CAPN9: variants seen among roughly 807,000 people sequenced by gnomAD.
CAPN9 encodes calpain 9.
In CAPN9, 81 loss-of-function variants were observed where a neutral mutation model predicts 92.8. The observed-to-expected ratio is 0.87, with a 90% CI of 0.73 to 1.05. The LOEUF is 1.05. Among genes scored for constraint, CAPN9 ranks in the 50% least tolerant of loss-of-function variants. The pLI, the probability that CAPN9 is intolerant of heterozygous loss-of-function variation, is 0.00. For missense variants in CAPN9, 848 were observed against 866.2 expected (o/e 0.98, Z 0.26); for synonymous variants, 304 against 328.0 (o/e 0.93, Z 0.79).
intron 1 of CAPN9, among the ~76,000 whole-genome samples, chr1:230,751,284 C>T (rs1229484535): frequency 6.6e-6 from 1 of 152,166 alleles, no homozygotes; most frequent in Non-Finnish European, 1.5e-5. Flanking sequence ...CCCATGGCCT[C>T]CACAGTGCTG....
chr1:230,762,904 C>G, intron 4 of CAPN9, 118 bp downstream of exon 4: 1 of 1,083,638 alleles, frequency 9.2e-7, no homozygotes, highest in South Asian at 1.7e-5. Flanking sequence ...AGGTGAGGCT[C>G]GGCAGGACCC....
chr1:230,763,849 A>G (rs1665795946), intron 4 of CAPN9, among the ~76,000 whole-genome samples: 1 of 152,234 alleles, frequency 6.6e-6, no homozygotes. Context: ...AGGTCTGTGC[A>G]AACACCATCA....
At chr1:230,782,365 G>C (rs1667281000) in intron 11 of CAPN9, among the ~76,000 whole-genome samples, 1 of 152,162 alleles carries the variant, frequency 6.6e-6, no homozygotes, top group African/African-American at 2.4e-5. Flanking sequence ...TGGATGCCCA[G>C]GGGATGAGGA....
intron 4 of CAPN9, among the ~76,000 whole-genome samples, chr1:230,765,464 G>A (rs1033262884): frequency 1.3e-5 from 2 of 152,112 alleles, no homozygotes; most frequent in African/African-American, 4.8e-5. Flanking sequence ...TTCGAGACCA[G>A]CCTGGCCAAC....
chr1:230,799,290 G>A (rs368828072), intron 19 of CAPN9, among the ~76,000 whole-genome samples: 7 of 152,140 alleles, frequency 4.6e-5, no homozygotes, highest in African/African-American at 1.7e-4. Context: ...CTCTGATTTC[G>A]ATTAAGCAGG....
At chr1:230,751,435 A>G (rs1449724988) in intron 1 of CAPN9, among the ~76,000 whole-genome samples, 1 of 151,686 alleles carries the variant, frequency 6.6e-6, no homozygotes, top group Non-Finnish European at 1.5e-5. Context: ...AGAAAGAGAA[A>G]AAGAGAGAAG....
chr1:230,767,757 T>C (rs776322706), intron 5 of CAPN9, 48 bp downstream of exon 5: 1 of 1,558,802 alleles, frequency 6.4e-7, no homozygotes, highest in Non-Finnish European at 8.8e-7. Context: ...TGGGGCTGCA[T>C]AGTGCATTCC....
rs548041370 is a variant in CAPN9 at position 230,789,299 on chromosome 1, G to A, written c.1600-833G>A. Among the ~76,000 whole-genome samples, 4 of 152,050 alleles carry A rather than the reference G, an allele frequency of 2.6e-5. No individual in the cohort carries two copies. The South Asian group carries it at 8.3e-4, about 32-fold the overall frequency. On this transcript the variant is annotated intron_variant, in intron 13 of 19. Transcript: ENST00000271971. ...GTCAAGAGCATCCTGGGCAACATAG[G>A]GAGAGCCCATCTCTGCAAAAATAAT...
At chr1:230,764,240 A>G (rs1665824319) in intron 4 of CAPN9, among the ~76,000 whole-genome samples, 1 of 152,224 alleles carries the variant, frequency 6.6e-6, no homozygotes, top group African/African-American at 2.4e-5. Flanking sequence ...GCTGCCACCA[A>G]TGTGGACGAG....
intron 10 of CAPN9, 55 bp from the exon 11 acceptor site, chr1:230,780,445 C>T (rs552362626): frequency 1.6e-5 from 25 of 1,604,786 alleles, no homozygotes; most frequent in South Asian, 6.6e-5. Context: ...GAATTGTGTC[C>T]GAAAAGCCAA....
intron 19 of CAPN9, among the ~76,000 whole-genome samples, chr1:230,799,652 CA>C (rs1668558035): frequency 6.6e-6 from 1 of 152,170 alleles, no homozygotes; most frequent in Non-Finnish European, 1.5e-5. Context: ...TCAACTTCAG[CA>C]TGTAGGACAC....
intron 13 of CAPN9, among the ~76,000 whole-genome samples, chr1:230,789,651 G>A (rs1372273157): frequency 6.6e-6 from 1 of 152,026 alleles, no homozygotes; most frequent in Non-Finnish European, 1.5e-5. Flanking sequence ...CTTAAAAATA[G>A]GACCATATTC....
At chr1:230,768,905 CA>C (rs975226368) in intron 5 of CAPN9, among the ~76,000 whole-genome samples, 3 of 152,172 alleles carry the variant, frequency 2.0e-5, no homozygotes, top group African/African-American at 7.2e-5. Context: ...ATGAAGGTGA[CA>C]AGTTGTTCTG....
intron 1 of CAPN9, among the ~76,000 whole-genome samples, chr1:230,750,675 G>A (rs1664707296): frequency 6.6e-6 from 1 of 152,194 alleles, no homozygotes; most frequent in African/African-American, 2.4e-5. Context: ...GGACCGTGGG[G>A]CTGGACGGCC....
intron 2 of CAPN9, among the ~76,000 whole-genome samples, 184 bp from the exon 3 acceptor site, chr1:230,759,328 A>G (rs183756232): frequency 6.6e-6 from 1 of 152,356 alleles, no homozygotes; most frequent in African/African-American, 2.4e-5. Flanking sequence ...AGACGGGCAG[A>G]GAAGAGCAGG....
chr1:230,780,226 G>A lies in CAPN9; in HGVS notation c.1162G>A (p.Asp388Asn), dbSNP rs1667117040. 1 of 1,614,014 alleles carries A rather than the reference G, an allele frequency of 6.2e-7. No homozygotes were observed. The highest frequency in any genetic ancestry group is 8.5e-7 in the Non-Finnish European group (1 of 1,179,944). Residue 388 changes from aspartate (D) to asparagine (N), a missense_variant, in exon 10 of 20, where the codon GAT (aspartate) becomes AAT (asparagine). Transcript: ENST00000271971. ...AATAAAATTGTCTCTGACTGAGAAA[G>A]ATGAGGGGCAGGAGGAGTGTAGTTT... Reference protein sequence around the residue: ...PQIKLSLTEKDEGQEECSFLV... With the variant: ...PQIKLSLTEKNEGQEECSFLV...
At chr1:230,761,555 A>AACACACACACACACACAC (rs147168033) in intron 3 of CAPN9, among the ~76,000 whole-genome samples, 3,179 of 150,564 alleles carry the variant, frequency 0.021, 126 homozygotes, top group African/African-American at 0.072. Context: ...TCTTCCTTAA[A>AACACACACACACACACAC]ACACACACAC....
At chr1:230,748,580 G>C (rs1298802688) in intron 1 of CAPN9, among the ~76,000 whole-genome samples, 1 of 152,158 alleles carries the variant, frequency 6.6e-6, no homozygotes, top group Non-Finnish European at 1.5e-5. Context: ...CTGAGCCTCA[G>C]TCTCCTCACC....
chr1:230,789,220 G>A (rs573022047), intron 13 of CAPN9, among the ~76,000 whole-genome samples: 32 of 151,266 alleles, frequency 2.1e-4, no homozygotes, highest in African/African-American at 7.9e-4. Context: ...ACACACATGT[G>A]CATAAAGTCA....
Sources: allele counts gnomAD v4.1 joint callset (sites outside exome capture counted in the v4.1 genomes callset), GRCh38; gene constraint gnomAD v4.1.1; transcripts MANE v1.5; gene names NCBI Gene and HGNC (gene_info 2026-07-23, HGNC 2026-07-21).